The following AGBL1 variants were observed in gnomAD, a reference collection of about 807,000 sequenced individuals.
AGBL1 encodes the protein cytosolic carboxypeptidase 4.
Under a neutral mutation model 118.9 loss-of-function variants are expected in AGBL1, and 130 were observed. The observed-to-expected ratio is 1.09, with a 90% CI of 0.95 to 1.26. The LOEUF is 1.26. AGBL1 is among the 50% of genes most tolerant of loss of function. The probability of loss-of-function intolerance (pLI) is 0.00; values close to 1 mark genes in which losing one functional copy is unlikely to be tolerated. For synonymous variants in AGBL1, 555 were observed against 478.9 expected, an observed-to-expected ratio of 1.16 and a Z score of -2.08; for missense variants, 1,584 against 1,298.1, an observed-to-expected ratio of 1.22 and a Z score of -3.38.
intron 17 of AGBL1, among the ~76,000 whole-genome samples, chr15:86,346,493 C>T (rs1222446724): frequency 6.6e-6 from 1 of 151,856 alleles, no homozygotes. Flanking sequence ...ACTACAGGCG[C>T]CCGCCACCAT....
intron 21 of AGBL1, among the ~76,000 whole-genome samples, chr15:86,574,209 A>C (rs575030785): frequency 6.6e-6 from 1 of 152,342 alleles, no homozygotes; most frequent in East Asian, 1.9e-4. Context: ...ATTTATCTGC[A>C]TGCTGTGCAC....
intron 24 of AGBL1, among the ~76,000 whole-genome samples, chr15:87,021,659 T>A (rs2081666170): frequency 6.6e-6 from 1 of 151,888 alleles, no homozygotes; most frequent in Non-Finnish European, 1.5e-5. Flanking sequence ...GAAAAAAACA[T>A]ACAACCCCAT....
intron 22 of AGBL1, among the ~76,000 whole-genome samples, chr15:86,781,904 C>T (rs1257867068): frequency 1.3e-5 from 2 of 151,474 alleles, no homozygotes; most frequent in East Asian, 3.9e-4. Context: ...TTTTAATTGG[C>T]CTTGTTATAG....
chr15:87,016,033 T>C (rs2081605367), intron 24 of AGBL1, among the ~76,000 whole-genome samples: 1 of 152,220 alleles, frequency 6.6e-6, no homozygotes, highest in Admixed American at 6.5e-5. Context: ...TAAATGACTT[T>C]ATTGCTTAAC....
At chr15:86,503,485 CTTCTT>C (rs2082939770) in intron 18 of AGBL1, among the ~76,000 whole-genome samples, 4 of 150,894 alleles carry the variant, frequency 2.7e-5, no homozygotes, top group South Asian at 2.1e-4. Flanking sequence ...AGGTTTTCCT[CTTCTT>C]TTCTAGTTTT....
chr15:86,586,754 T>C (rs2084254449), intron 21 of AGBL1, among the ~76,000 whole-genome samples: 1 of 152,158 alleles, frequency 6.6e-6, no homozygotes, highest in Non-Finnish European at 1.5e-5. Context: ...AAGTGGGAGC[T>C]TATAAGTCAT....
chr15:87,001,255 C>A (rs987172221), intron 24 of AGBL1, among the ~76,000 whole-genome samples: 13 of 151,468 alleles, frequency 8.6e-5, no homozygotes, highest in African/African-American at 3.2e-4. Flanking sequence ...GCCAGAACTT[C>A]CAACACTATG....
chr15:86,866,791 G>T (rs2079637321), intron 22 of AGBL1, among the ~76,000 whole-genome samples: 1 of 152,204 alleles, frequency 6.6e-6, no homozygotes, highest in African/African-American at 2.4e-5. Context: ...GGCAGAGGTT[G>T]CAGTGAGCTG....
chr15:86,307,334 A>T (rs1339037567), intron 17 of AGBL1, among the ~76,000 whole-genome samples: 1 of 152,138 alleles, frequency 6.6e-6, no homozygotes, highest in African/African-American at 2.4e-5. Context: ...TCTGTGTTAA[A>T]CATGGATTCA....
chr15:86,285,739 G>T (rs1167325070), intron 16 of AGBL1, among the ~76,000 whole-genome samples: 2 of 152,142 alleles, frequency 1.3e-5, no homozygotes, highest in African/African-American at 4.8e-5. Context: ...TAATATTATT[G>T]TGGAAAATGT....
At chr15:86,275,235 C>CAGAA (rs1299022462) in intron 15 of AGBL1, among the ~76,000 whole-genome samples, 10 of 152,166 alleles carry the variant, frequency 6.6e-5, no homozygotes, top group Admixed American at 6.5e-5. Flanking sequence ...CGGCTGATCT[C>CAGAA]TTCTGACATT....
At chr15:86,644,287 C>G (rs533364821) in intron 21 of AGBL1, among the ~76,000 whole-genome samples, 1 of 152,034 alleles carries the variant, frequency 6.6e-6, no homozygotes, top group East Asian at 1.9e-4. Context: ...TTGTGGAGTA[C>G]TTGGGGAGGC....
chr15:86,361,494 T>C lies in AGBL1; in HGVS notation c.2375-35872T>C, dbSNP rs919461917. Among the ~76,000 whole-genome samples the C allele has an allele frequency of 2.6e-5, 4 of 152,128 alleles. No individual in the cohort carries two copies. The East Asian group carries it at 7.7e-4, about 29-fold the overall frequency. On this transcript the variant is annotated intron_variant, in intron 17 of 22. Coordinates refer to ENST00000614907, the MANE Select transcript of AGBL1 (RefSeq NM_001386094.1). Reference sequence around the variant, plus strand: ...CGTAGAGCTGTTCAGTTCTGCTTTTTCCTTACTGATATTCTGTTTAGAAGA... The same window carrying C: ...CGTAGAGCTGTTCAGTTCTGCTTTTCCCTTACTGATATTCTGTTTAGAAGA...
chr15:86,238,783 G>A (rs2078595514), intron 6 of AGBL1, among the ~76,000 whole-genome samples: 1 of 152,128 alleles, frequency 6.6e-6, no homozygotes, highest in African/African-American at 2.4e-5. Context: ...TTCGAGTCTT[G>A]TGGCGCCTTC....
intron 2 of AGBL1, among the ~76,000 whole-genome samples, chr15:86,142,558 C>T (rs1478841675): frequency 6.6e-6 from 1 of 152,190 alleles, no homozygotes; most frequent in Non-Finnish European, 1.5e-5. Flanking sequence ...TTGAACATTC[C>T]AACATTCACT....
intron 20 of AGBL1, among the ~76,000 whole-genome samples, chr15:86,549,341 T>C (rs1033000366): frequency 5.9e-5 from 9 of 152,258 alleles, no homozygotes; most frequent in Admixed American, 4.6e-4. Flanking sequence ...GCACTCAAGA[T>C]ATTTGAGCAC....
chr15:86,493,049 C>T (rs573774852), intron 18 of AGBL1, among the ~76,000 whole-genome samples: 1 of 152,228 alleles, frequency 6.6e-6, no homozygotes, highest in African/African-American at 2.4e-5. Context: ...CAAAAATTAG[C>T]TGGGCATGGT....
chr15:86,087,494 A>G (rs1470415070), intron 1 of AGBL1, among the ~76,000 whole-genome samples: 1 of 151,960 alleles, frequency 6.6e-6, no homozygotes, highest in African/African-American at 2.4e-5. Context: ...ATCCCTAGCT[A>G]ATTTTTGTAT....
chr15:86,190,206 G>A (rs996455665), intron 5 of AGBL1, among the ~76,000 whole-genome samples: 48 of 152,020 alleles, frequency 3.2e-4, no homozygotes, highest in African/African-American at 1.1e-3. Context: ...TGAATATATA[G>A]CATCTCTTTA....
Sources: allele counts gnomAD v4.1 joint callset (sites outside exome capture counted in the v4.1 genomes callset), GRCh38; gene constraint gnomAD v4.1.1; transcripts MANE v1.5; gene names NCBI Gene and HGNC (gene_info 2026-07-23, HGNC 2026-07-21).